Variants in CSTPP1 observed in about 807,000 individuals in gnomAD.
CSTPP1 encodes centriolar satellite-associated tubulin polyglutamylase complex regulator 1, also known as UPF0705 protein C11orf49.
At chr11:47,097,040 G>C in the CSTPP1 span, among the ~76,000 whole-genome samples, 1 of 151,766 alleles carries the variant, frequency 6.6e-6, no homozygotes, top group Admixed American at 6.6e-5. Flanking sequence ...CACCCCGTCC[G>C]GGAGGGAGAT....
chr11:47,085,228 C>G, the CSTPP1 span, among the ~76,000 whole-genome samples: 1 of 151,962 alleles, frequency 6.6e-6, no homozygotes, highest in Non-Finnish European at 1.5e-5. Context: ...CAGTAAGACC[C>G]GAAATATTAT....
the CSTPP1 span, chr11:46,936,962 G>C: frequency 7.9e-7 from 1 of 1,263,610 alleles, no homozygotes; most frequent in Non-Finnish European, 1.0e-6. Context: ...GGTGGTATGG[G>C]GAGGGGCGGA....
At chr11:46,944,838 A>G in the CSTPP1 span, among the ~76,000 whole-genome samples, 10 of 151,990 alleles carry the variant, frequency 6.6e-5, no homozygotes, top group Non-Finnish European at 1.3e-4. Flanking sequence ...CCCCCAGTAC[A>G]TCTCTCGCAT....
the CSTPP1 span, among the ~76,000 whole-genome samples, chr11:47,010,819 G>C: frequency 6.6e-6 from 1 of 152,086 alleles, no homozygotes; most frequent in African/African-American, 2.4e-5. Flanking sequence ...TTTAGATTTT[G>C]TTTGATGTTA....
At chr11:46,945,500 A>G in the CSTPP1 span, among the ~76,000 whole-genome samples, 1 of 152,238 alleles carries the variant, frequency 6.6e-6, no homozygotes. Flanking sequence ...CTGGAGTCCC[A>G]GCTACTTGGG....
At chr11:47,107,543 G>C in the CSTPP1 span, among the ~76,000 whole-genome samples, 1 of 151,922 alleles carries the variant, frequency 6.6e-6, no homozygotes, top group Admixed American at 6.6e-5. Context: ...GAGTTGTTTT[G>C]CTTTGGTTTT....
the CSTPP1 span, among the ~76,000 whole-genome samples, chr11:47,148,834 A>C: frequency 6.6e-6 from 1 of 152,172 alleles, no homozygotes; most frequent in Admixed American, 6.5e-5. Context: ...CTCAGAGGGA[A>C]ATTGTCACTT....
chr11:46,996,827 T>G, the CSTPP1 span, among the ~76,000 whole-genome samples: 1 of 152,224 alleles, frequency 6.6e-6, no homozygotes, highest in African/African-American at 2.4e-5. Context: ...TTAGTTTGAC[T>G]GGGTATGAAA....
chr11:47,059,193 G>A, the CSTPP1 span, among the ~76,000 whole-genome samples: 1 of 152,138 alleles, frequency 6.6e-6, no homozygotes, highest in African/African-American at 2.4e-5. Flanking sequence ...GGTCCTGTTG[G>A]GGGGCTGGGG....
chr11:47,114,085 C>A, the CSTPP1 span, among the ~76,000 whole-genome samples: 2 of 152,308 alleles, frequency 1.3e-5, no homozygotes, highest in African/African-American at 4.8e-5. Context: ...GTTTTCCCAG[C>A]ACCATTTATT....
chr11:47,117,971 C>T, the CSTPP1 span, among the ~76,000 whole-genome samples: 1 of 150,706 alleles, frequency 6.6e-6, no homozygotes, highest in African/African-American at 2.4e-5. Context: ...CCTCCGCCTC[C>T]CAGGTTCAAG....
chr11:47,054,125 T>C, the CSTPP1 span, among the ~76,000 whole-genome samples: 2 of 150,102 alleles, frequency 1.3e-5, no homozygotes, highest in African/African-American at 4.9e-5. Flanking sequence ...CTGGCTAACA[T>C]GGTGAAACCC....
At chr11:46,963,765 A>G in the CSTPP1 span, among the ~76,000 whole-genome samples, 1 of 150,722 alleles carries the variant, frequency 6.6e-6, no homozygotes, top group Admixed American at 6.6e-5. Context: ...ATCCTGGGCA[A>G]CAGAGTGAGA....
the CSTPP1 span, chr11:47,155,450 G>T: frequency 1.6e-6 from 1 of 620,106 alleles, no homozygotes; most frequent in Non-Finnish European, 2.9e-6. Context: ...AGTCTGCAGA[G>T]CCGACTTCCT....
chr11:46,964,538 G>GC, the CSTPP1 span, among the ~76,000 whole-genome samples: 18 of 152,248 alleles, frequency 1.2e-4, no homozygotes, highest in African/African-American at 2.2e-4. Context: ...GCCCGCCTCG[G>GC]CCCCCCAGAG....
the CSTPP1 span, among the ~76,000 whole-genome samples, chr11:47,014,480 C>T: frequency 6.6e-6 from 1 of 151,786 alleles, no homozygotes; most frequent in African/African-American, 2.4e-5. Flanking sequence ...GGTGGATCAC[C>T]GATCACCTAA....
At chr11:47,017,067 G>A in the CSTPP1 span, among the ~76,000 whole-genome samples, 1 of 149,264 alleles carries the variant, frequency 6.7e-6, no homozygotes, top group Non-Finnish European at 1.5e-5. Flanking sequence ...TAGCCAGGAT[G>A]GTCTCGATCT....
At chr11:47,133,509 G>A in the CSTPP1 span, among the ~76,000 whole-genome samples, 1 of 152,208 alleles carries the variant, frequency 6.6e-6, no homozygotes. Context: ...GAGAGACCAC[G>A]GTGTGGCCAC....
the CSTPP1 span, chr11:46,936,693 C>T: frequency 6.6e-7 from 1 of 1,512,538 alleles, no homozygotes; most frequent in African/African-American, 1.4e-5. Context: ...TGTGACACCT[C>T]CTCCAGCTCC....
Sources: allele counts gnomAD v4.1 joint callset (sites outside exome capture counted in the v4.1 genomes callset), GRCh38; gene constraint gnomAD v4.1.1; transcripts MANE v1.5; gene names NCBI Gene and HGNC (gene_info 2026-07-23, HGNC 2026-07-21).